Variants in HYDIN observed in about 807,000 individuals in gnomAD.
The protein encoded by HYDIN is axonemal central pair apparatus protein HYDIN.
HYDIN carries 132 observed loss-of-function variants against 403.9 expected under a neutral mutation model. That is an observed-to-expected ratio of 0.33 (90% CI 0.28 to 0.38). The LOEUF is 0.38. Among genes scored for constraint, HYDIN ranks in the 10% least tolerant of loss-of-function variants. The probability of loss-of-function intolerance (pLI) is 1.00; values close to 1 mark genes in which losing one functional copy is unlikely to be tolerated. For synonymous variants in HYDIN, 1,202 were observed against 1,891.7 expected (o/e 0.64, Z 9.46); for missense variants, 2,827 against 5,009.5 (o/e 0.56, Z 13.15).
intron 62 of HYDIN, among the ~76,000 whole-genome samples, chr16:70,875,890 G>A (rs2143667063): frequency 6.6e-6 from 1 of 152,278 alleles, no homozygotes; most frequent in Non-Finnish European, 1.5e-5. Context: ...GGGTGGATAG[G>A]AATTCACTGA....
chr16:71,040,489 C>T (rs1471732847), intron 18 of HYDIN, among the ~76,000 whole-genome samples: 7 of 145,446 alleles, frequency 4.8e-5, no homozygotes, highest in South Asian at 2.3e-4. Flanking sequence ...CTCCCCGCAC[C>T]CCCCTCCCCC....
intron 13 of HYDIN, among the ~76,000 whole-genome samples, chr16:71,070,200 T>A (rs1049421179): frequency 4.6e-5 from 7 of 152,194 alleles, no homozygotes; most frequent in Admixed American, 3.9e-4. Flanking sequence ...GATGTGGACC[T>A]TTCTTGCTTG....
chr16:71,168,779 G>A (rs912016878), intron 5 of HYDIN, among the ~76,000 whole-genome samples: 7 of 152,128 alleles, frequency 4.6e-5, no homozygotes, highest in African/African-American at 1.7e-4. Context: ...CAGGTGCCTT[G>A]GAGTCCTACT....
rs767033557 is a variant in HYDIN, at chr16:70,978,999, T to C, written c.4553A>G (p.Asn1518Ser). Residue 1518 changes from asparagine to serine, a missense_variant, in exon 30 of 86, where the codon AAC (asparagine) becomes AGC (serine). Physicochemically the swap from Asn to Ser is conservative, Grantham distance 46 (BLOSUM62 1). Coordinates refer to ENST00000393567, the MANE Select transcript of HYDIN (RefSeq NM_001270974.2). ...YEMFLNQARK[N>S]TDKEYNKCEM... The stretch of plus-strand genomic sequence containing the variant: ...ACATTTGTTATACTCTTTGTCTGTG[T>C]TTTTCCTGGCTTGATTCAAGAACAT... 9 of 1,613,504 alleles carry C rather than the reference T, an allele frequency of 5.6e-6. No homozygotes were observed. The highest frequency in any genetic ancestry group is 1.3e-5 in the African/African-American group (1 of 74,782).
chr16:71,098,235 T>C (rs1568149843), intron 10 of HYDIN, among the ~76,000 whole-genome samples: 1 of 146,882 alleles, frequency 6.8e-6, no homozygotes, highest in Non-Finnish European at 1.5e-5. Flanking sequence ...GGAGTCTCGC[T>C]CTGTCACCCA....
chr16:70,913,355 T>C (rs1340834663), intron 47 of HYDIN, among the ~76,000 whole-genome samples: 4 of 152,154 alleles, frequency 2.6e-5, no homozygotes, highest in Non-Finnish European at 5.9e-5. Context: ...TATGAAGTTT[T>C]AAATTTCCAT....
rs1344193502 is a variant in HYDIN, at chr16:71,140,173, CTTTT to C, written c.842-2825_842-2822del. ...CTTTTTTTTGTCTGCAAATATCTTT[CTTTT>C]GTCTTCACTTTTAAAGAATACTTTA... On this transcript the variant is annotated intron_variant, in intron 7 of 85. Transcript: ENST00000393567. Among the ~76,000 whole-genome samples, 4 of 98,508 alleles carry C rather than the reference CTTTT, an allele frequency of 4.1e-5. No homozygotes were observed. The South Asian group carries it at 1.7e-3, about 41-fold the overall frequency. 64.6% of individuals were successfully genotyped at this position (98,508 alleles called of 152,430 possible). A position where few individuals can be genotyped will look rare whatever the true frequency, so the allele number is the denominator to read the frequency against.
intron 11 of HYDIN, 131 bp downstream of exon 11, chr16:71,093,686 C>G: frequency 1.2e-6 from 1 of 831,878 alleles, no homozygotes; most frequent in Non-Finnish European, 1.7e-6. Flanking sequence ...ACTCCAGGGT[C>G]TCAACAAGGA....
At chr16:70,858,806 C>T (rs1302486798) in intron 71 of HYDIN, among the ~76,000 whole-genome samples, 5 of 152,186 alleles carry the variant, frequency 3.3e-5, no homozygotes, top group African/African-American at 1.2e-4. Context: ...AAGTGGGGGC[C>T]ATGATCCAGG....
At position 70,978,281 on chromosome 16, in the gene HYDIN, T is replaced by C. The variant is rs566859042; in HGVS notation, c.4638+633A>G. Among the ~76,000 whole-genome samples, 16 of 150,822 alleles carry C rather than the reference T, an allele frequency of 1.1e-4. No homozygotes were observed. In the East Asian group the frequency reaches 2.3e-3, roughly 22 times the overall value. ...TCTTGACCATTCCACTTCTGGAATA[T>C]TCCTTGAACCCACCCAGTTCGCCCT... On this transcript the variant is annotated intron_variant, in intron 30 of 85. Transcript: ENST00000393567.
intron 18 of HYDIN, among the ~76,000 whole-genome samples, chr16:71,039,499 T>G (rs2081211616): frequency 6.6e-6 from 1 of 152,150 alleles, no homozygotes; most frequent in African/African-American, 2.4e-5. Flanking sequence ...GTTTTCCTAC[T>G]TGAATGTTGC....
intron 1 of HYDIN, among the ~76,000 whole-genome samples, chr16:71,224,193 G>A (rs1163463878): frequency 6.6e-6 from 1 of 152,204 alleles, no homozygotes; most frequent in Non-Finnish European, 1.5e-5. Context: ...TAACCCAGGA[G>A]TGAAAAACCA....
Position 70,868,768 on chromosome 16 carries a change from C to A in HYDIN, c.11112G>T (p.Gly3704=), listed in dbSNP as rs545645442. 17 of 1,613,798 alleles carry A rather than the reference C, an allele frequency of 1.1e-5. No homozygotes were observed. Among genetic ancestry groups the A allele is most frequent in the Non-Finnish European group, 1.4e-5 (17 of 1,179,972 alleles). ...FSPQMGHLHP[G]CAKDIVVTMK... is the part of the protein sequence containing the mutation. ...TGGTCACCACTATGTCCTTGGCACA[C>A]CCAGGGTGGAGGTGGCCCATCTAGG... Residue 3704 remains glycine, a synonymous_variant, in exon 66 of 86, where the codon GGG becomes GGT. Coordinates refer to ENST00000393567, the MANE Select transcript of HYDIN (RefSeq NM_001270974.2).
rs200260585 is a variant in HYDIN, at chr16:70,872,081, G to T, written c.11047C>A (p.Arg3683=). 1 of 1,561,412 alleles carries T rather than the reference G, an allele frequency of 6.4e-7. No individual in the cohort carries two copies. Among genetic ancestry groups the T allele is most frequent in the African/African-American group, 1.4e-5 (1 of 72,040 alleles). Residue 3683 remains arginine (R), a synonymous_variant, in exon 65 of 86, where the codon CGG becomes AGG. Coordinates refer to ENST00000393567, the MANE Select transcript of HYDIN (RefSeq NM_001270974.2). ...GTAGCTGAAACAGGCCATTCAAACC[G>T]TATCAAGTTCACTTGGCTGTGATTT... is the stretch of plus-strand genomic sequence containing the variant. ...VTNHSQVNLI[R]FEWPVSATIA...
chr16:70,844,447 C>G (rs2038057052), intron 75 of HYDIN, among the ~76,000 whole-genome samples: 2 of 148,068 alleles, frequency 1.4e-5, no homozygotes, highest in African/African-American at 2.6e-5. Flanking sequence ...GTTACTCTAG[C>G]CTTGTAGTAT....
chr16:71,227,159 G>A (rs905864439), intron 1 of HYDIN, among the ~76,000 whole-genome samples: 3 of 151,802 alleles, frequency 2.0e-5, no homozygotes, highest in Non-Finnish European at 2.9e-5. Context: ...GTGTGTGTGT[G>A]TGTGTATATA....
At chr16:71,203,672 C>T (rs2088141212) in intron 1 of HYDIN, 2 of 450,934 alleles carry the variant, frequency 4.4e-6, no homozygotes, top group South Asian at 3.2e-5. Context: ...TAATTCCATA[C>T]ACAAATTATT....
chr16:71,130,484 T>G (rs1417094027), intron 8 of HYDIN, among the ~76,000 whole-genome samples: 4 of 138,988 alleles, frequency 2.9e-5, no homozygotes, highest in East Asian at 4.4e-4. Context: ...TTTTTTTTTT[T>G]TTTTTTTTTT....
At chr16:71,189,644 G>A (rs955469044) in intron 1 of HYDIN, among the ~76,000 whole-genome samples, 1 of 151,878 alleles carries the variant, frequency 6.6e-6, no homozygotes, top group African/African-American at 2.4e-5. Flanking sequence ...GCACGTGCCT[G>A]TAGTCCCAAT....
Sources: allele counts gnomAD v4.1 joint callset (sites outside exome capture counted in the v4.1 genomes callset), GRCh38; gene constraint gnomAD v4.1.1; transcripts MANE v1.5; gene names NCBI Gene and HGNC (gene_info 2026-07-23, HGNC 2026-07-21).